Variants in DGKB observed in about 807,000 individuals in gnomAD.
DGKB encodes 90 kDa diacylglycerol kinase.
Under a neutral mutation model 114.3 loss-of-function variants are expected in DGKB, and 67 were observed. The ratio of observed to expected loss-of-function variants is 0.59; its 90% CI spans 0.48 to 0.72. DGKB has a LOEUF of 0.72. DGKB is among the 30% of genes least tolerant of loss of function. DGKB has a pLI of 0.00. For missense variants in DGKB, 907 were observed against 975.2 expected (o/e 0.93, Z 0.93); for synonymous variants, 398 against 323.1 (o/e 1.23, Z -2.49).
chr7:14,441,779 T>A (rs1167867427), intron 21 of DGKB, among the ~76,000 whole-genome samples: 3 of 152,078 alleles, frequency 2.0e-5, no homozygotes, highest in Non-Finnish European at 4.4e-5. Context: ...TGCTCTCTTA[T>A]CAACTGCCTT....
At chr7:14,404,866 A>T (rs1046855592) in intron 21 of DGKB, among the ~76,000 whole-genome samples, 5 of 150,820 alleles carry the variant, frequency 3.3e-5, no homozygotes, top group African/African-American at 4.9e-5. Flanking sequence ...TTCCTTAGTC[A>T]CTCCCACTTC....
chr7:14,177,996 T>C, intron 24 of DGKB, 35 bp downstream of exon 24: 1 of 1,517,214 alleles, frequency 6.6e-7, no homozygotes, highest in East Asian at 2.4e-5. Flanking sequence ...CTATGCCATA[T>C]CAAACGCCTT....
rs1200917983 is a variant in DGKB at position 14,409,570 on chromosome 7, T to G, written c.1836-64179A>C. Among the ~76,000 whole-genome samples, 37 of 50,580 alleles carry G rather than the reference T, an allele frequency of 7.3e-4. 9 individuals are homozygous for G. Among genetic ancestry groups the G allele is most frequent in the South Asian group, 5.5e-3 (8 of 1,460 alleles). The allele number at this position is 50,580 out of a possible 152,430, so 33.2% of individuals were successfully genotyped here. ...AAAATACAAAAAATTAGCCGGGCGC[T>G]GTGGCGGGCGCCTGTAGTCCCAGCT... On this transcript the variant is annotated intron_variant, in intron 21 of 25. Transcript: ENST00000402815.
At chr7:14,464,751 G>A (rs1833582844) in intron 21 of DGKB, among the ~76,000 whole-genome samples, 2 of 152,172 alleles carry the variant, frequency 1.3e-5, no homozygotes, top group African/African-American at 2.4e-5. Context: ...CCTTAAAGCT[G>A]AGAAATGAAC....
intron 23 of DGKB, among the ~76,000 whole-genome samples, chr7:14,275,332 A>G (rs1044694025): frequency 6.6e-6 from 1 of 152,204 alleles, no homozygotes; most frequent in African/African-American, 2.4e-5. Context: ...AAGTTTTTGT[A>G]TGAATATTTC....
chr7:14,893,063 T>C (rs1781537580), intron 1 of DGKB, among the ~76,000 whole-genome samples: 1 of 151,158 alleles, frequency 6.6e-6, no homozygotes, highest in Non-Finnish European at 1.5e-5. Context: ...TTCAGAAACA[T>C]AAAAGCTGTT....
intron 1 of DGKB, among the ~76,000 whole-genome samples, chr7:14,969,411 T>C (rs1173137111): frequency 6.6e-6 from 1 of 152,144 alleles, no homozygotes; most frequent in Non-Finnish European, 1.5e-5. Context: ...ACTGTACTCA[T>C]ACAAACCTAG....
At chr7:14,327,431 T>G (rs1460030267) in intron 23 of DGKB, among the ~76,000 whole-genome samples, 1 of 152,056 alleles carries the variant, frequency 6.6e-6, no homozygotes. Context: ...GAAAATATAT[T>G]AACAAATAAT....
chr7:14,245,878 A>C (rs1378288368), intron 23 of DGKB, among the ~76,000 whole-genome samples: 1 of 152,194 alleles, frequency 6.6e-6, no homozygotes, highest in Non-Finnish European at 1.5e-5. Context: ...CAGTGAGCCA[A>C]GATCATGCCA....
At chr7:14,450,689 A>G in intron 21 of DGKB, among the ~76,000 whole-genome samples, 1 of 152,102 alleles carries the variant, frequency 6.6e-6, no homozygotes, top group East Asian at 1.9e-4. Context: ...AATGATGCCC[A>G]TTTTCATCAT....
chr7:14,762,526 T>G (rs1835858740), intron 2 of DGKB, among the ~76,000 whole-genome samples: 1 of 152,170 alleles, frequency 6.6e-6, no homozygotes, highest in African/African-American at 2.4e-5. Flanking sequence ...AATAAATGAC[T>G]AATAGCATTT....
chr7:14,342,917 T>A (rs187485083), intron 22 of DGKB, among the ~76,000 whole-genome samples: 5 of 151,986 alleles, frequency 3.3e-5, no homozygotes, highest in Admixed American at 3.3e-4. Flanking sequence ...AAAACATGTA[T>A]CTATTGCTGG....
chr7:14,154,302 C>A lies in DGKB; in HGVS notation c.2305-5064G>T, dbSNP rs377666749. Among the ~76,000 whole-genome samples the A allele has an allele frequency of 2.7e-3, 410 of 150,984 alleles. 21 individuals are homozygous for A. The South Asian group carries it at 0.082, about 30-fold the overall frequency. ...GATCGTGGGTTAGTACTTGGTTCTG[C>A]AGTTGACAATATTTTTATAGTCTGA... On this transcript the variant is annotated intron_variant, in intron 25 of 25. Transcript: ENST00000402815.
At chr7:14,886,660 A>C (rs1005460256) in intron 1 of DGKB, among the ~76,000 whole-genome samples, 1 of 151,874 alleles carries the variant, frequency 6.6e-6, no homozygotes, top group South Asian at 2.1e-4. Context: ...TACTGCAGTA[A>C]TCTGGGCTAA....
intron 17 of DGKB, among the ~76,000 whole-genome samples, chr7:14,602,083 C>T (rs1803651230): frequency 6.6e-6 from 1 of 152,070 alleles, no homozygotes; most frequent in Non-Finnish European, 1.5e-5. Flanking sequence ...CTCCTTAGTA[C>T]CAATTCTGTC....
intron 2 of DGKB, among the ~76,000 whole-genome samples, chr7:14,785,818 C>A (rs10215697): frequency 0.36 from 54,252 of 151,722 alleles, 13,447 homozygotes; most frequent in African/African-American, 0.69. Context: ...TTACACTCCA[C>A]AATATAGACT....
At chr7:14,153,365 G>A (rs1383554747) in intron 25 of DGKB, among the ~76,000 whole-genome samples, 1 of 151,922 alleles carries the variant, frequency 6.6e-6, no homozygotes, top group Non-Finnish European at 1.5e-5. Flanking sequence ...TTTCTTTCAG[G>A]AATTCTTGTA....
At chr7:14,697,260 TTGGGCAAGTAATTTTA>T (rs1431044919) in intron 8 of DGKB, among the ~76,000 whole-genome samples, 3 of 152,206 alleles carry the variant, frequency 2.0e-5, no homozygotes, top group African/African-American at 7.2e-5. Context: ...CTGAAGAGCT[TTGGGCAAGTAATTTTA>T]ACATATTTGG....
chr7:14,434,879 T>C (rs1406702693), intron 21 of DGKB, among the ~76,000 whole-genome samples: 1 of 152,122 alleles, frequency 6.6e-6, no homozygotes, highest in African/African-American at 2.4e-5. Context: ...ATTTGGCATA[T>C]ACCAATGGTT....
Sources: gnomAD v4.1 joint callset for allele counts (sites outside exome capture counted in the v4.1 genomes callset) on GRCh38, gnomAD v4.1.1 for gene constraint, MANE v1.5 for transcripts, NCBI Gene and HGNC (gene_info 2026-07-23, HGNC 2026-07-21) for gene names.